Variants in STX2 observed in about 807,000 individuals in gnomAD.
The protein encoded by STX2 is syntaxin 2.
Under a neutral mutation model 40.6 loss-of-function variants are expected in STX2, and 27 were observed. The ratio of observed to expected loss-of-function variants is 0.66; its 90% CI spans 0.49 to 0.92. The LOEUF (loss-of-function observed/expected upper bound fraction) is 0.92, where lower values mean the gene tolerates loss of function less well. Ranked by LOEUF, STX2 falls within the 40% of genes least tolerant of loss-of-function variation. The pLI is 0.00. For missense variants in STX2, 328 were observed against 366.1 expected (o/e 0.90, Z 0.85); for synonymous variants, 123 against 119.1 (o/e 1.03, Z -0.22).
chr12:130,826,249 T>C (rs1952299584), intron 2 of STX2, among the ~76,000 whole-genome samples: 1 of 152,188 alleles, frequency 6.6e-6, no homozygotes, highest in African/African-American at 2.4e-5. Context: ...CACGCACACC[T>C]GACCCCTGCC....
chr12:130,796,411 A>G (rs1379189732), intron 9 of STX2, among the ~76,000 whole-genome samples: 3 of 152,118 alleles, frequency 2.0e-5, no homozygotes, highest in Admixed American at 2.0e-4. Context: ...ACTTGAACCC[A>G]GGAGGCAGAG....
chr12:130,798,675 A>C, intron 8 of STX2, 40 bp from the exon 9 acceptor site: 1 of 1,497,226 alleles, frequency 6.7e-7, no homozygotes, highest in South Asian at 1.2e-5. Flanking sequence ...ACATTTTCAA[A>C]TGGCTTAATC....
In STX2 at chr12:130,790,089, C is replaced by G. The variant is rs1385484918; in HGVS notation, c.*1934G>C. 1 of 152,110 alleles carries G rather than the reference C, an allele frequency of 6.6e-6. No homozygotes were observed. The highest frequency in any genetic ancestry group is 1.5e-5 in the Non-Finnish European group (1 of 68,030). The allele number at this position is 152,110 out of a possible 1,614,324, so 9.4% of individuals were successfully genotyped here. A position where few individuals can be genotyped will look rare whatever the true frequency, so the allele number is the denominator to read the frequency against. On this transcript the variant is annotated 3_prime_UTR_variant, in exon 11 of 11. Transcript: ENST00000392373. ...AGCATGATCCTGAAATATTGAAAAC[C>G]CTCAAGACAAGTGATACCTTCAACA...
intron 4 of STX2, among the ~76,000 whole-genome samples, chr12:130,811,144 G>A (rs2136282161): frequency 6.6e-6 from 1 of 152,210 alleles, no homozygotes; most frequent in African/African-American, 2.4e-5. Context: ...GATCATTTGA[G>A]GTCAGGAGTT....
chr12:130,812,227 C>G (rs1951686924), intron 4 of STX2: 3 of 338,840 alleles, frequency 8.9e-6, no homozygotes, highest in Non-Finnish European at 1.7e-5. Context: ...ATATTCTGTA[C>G]TATTAAGTAA....
At chr12:130,837,882 A>C (rs1952798820) in intron 1 of STX2, among the ~76,000 whole-genome samples, 1 of 152,260 alleles carries the variant, frequency 6.6e-6, no homozygotes. Context: ...CACCGTGAAG[A>C]AACTTCCTTG....
chr12:130,825,842 T>A (rs370362343), intron 2 of STX2, among the ~76,000 whole-genome samples: 1 of 152,180 alleles, frequency 6.6e-6, no homozygotes, highest in East Asian at 1.9e-4. Flanking sequence ...GAAGGTTCCG[T>A]CATTAAAAAA....
intron 6 of STX2, among the ~76,000 whole-genome samples, chr12:130,802,067 A>G (rs956402781): frequency 2.0e-5 from 3 of 152,256 alleles, no homozygotes; most frequent in African/African-American, 7.2e-5. Context: ...TCTAATAAGC[A>G]GCATTATTCA....
intron 2 of STX2, among the ~76,000 whole-genome samples, chr12:130,824,767 G>A (rs1469400679): frequency 1.3e-5 from 2 of 152,188 alleles, no homozygotes; most frequent in Admixed American, 6.5e-5. Flanking sequence ...AGATCAGAAT[G>A]AGTTTATATT....
chr12:130,824,209 G>A (rs1379459640), intron 2 of STX2, among the ~76,000 whole-genome samples: 1 of 152,078 alleles, frequency 6.6e-6, no homozygotes, highest in Non-Finnish European at 1.5e-5. Flanking sequence ...GGCCAGCGTG[G>A]CAAAATGCCG....
intron 3 of STX2, among the ~76,000 whole-genome samples, chr12:130,818,170 C>CAAAAAAAAAA (rs756794046): frequency 3.8e-4 from 19 of 49,862 alleles, no homozygotes; most frequent in Middle Eastern, 0.013. Context: ...GCTGTTTCTA[C>CAAAAAAAAAA]AAAAAAAAAA....
At position 130,807,040 on chromosome 12, in the gene STX2, C is replaced by T. The variant is rs1426391846; in HGVS notation, c.405G>A (p.Glu135=). ...TCCGCTCCCGAAACAGAGTCTGTGC[C>T]TCATTGTACTCCGCCATGGCTTCCA... is the stretch of plus-strand genomic sequence containing the variant. ...KFVEAMAEYN[E]AQTLFRERSK... is the part of the protein sequence containing the mutation. Residue 135 remains glutamate, a synonymous_variant, in exon 6 of 11, where the codon GAG becomes GAA. Coordinates refer to ENST00000392373, the MANE Select transcript of STX2 (RefSeq NM_194356.4). 9.3e-6 allele frequency: 15 copies of T among 1,614,118 alleles called. No individual in the cohort carries two copies. The highest frequency in any genetic ancestry group is 1.3e-5 in the Non-Finnish European group (15 of 1,180,054).
At chr12:130,822,259 G>C (rs150809203) in intron 2 of STX2, among the ~76,000 whole-genome samples, 2 of 151,950 alleles carry the variant, frequency 1.3e-5, no homozygotes, top group Non-Finnish European at 2.9e-5. Context: ...TCTACTAAAC[G>C]TACAAAAATT....
At chr12:130,836,789 T>C (rs1370183037) in intron 1 of STX2, among the ~76,000 whole-genome samples, 2 of 152,188 alleles carry the variant, frequency 1.3e-5, no homozygotes, top group South Asian at 4.1e-4. Context: ...TAAAAATTAT[T>C]TGCCCAAGAT....
intron 1 of STX2, among the ~76,000 whole-genome samples, chr12:130,831,261 C>A (rs959324985): frequency 7.2e-5 from 11 of 152,316 alleles, no homozygotes; most frequent in Admixed American, 4.6e-4. Context: ...AAATTATAAA[C>A]CTTGACATAT....
chr12:130,820,239 C>A (rs7973222), intron 3 of STX2, among the ~76,000 whole-genome samples: 2 of 152,226 alleles, frequency 1.3e-5, no homozygotes, highest in Non-Finnish European at 2.9e-5. Context: ...AATTACATGA[C>A]TGGGTACAGA....
chr12:130,837,131 A>C (rs1301412250), intron 1 of STX2, among the ~76,000 whole-genome samples: 11 of 149,000 alleles, frequency 7.4e-5, no homozygotes, highest in African/African-American at 2.7e-4. Flanking sequence ...TTTATGAGAC[A>C]ATGTCTCACT....
intron 6 of STX2, among the ~76,000 whole-genome samples, 176 bp downstream of exon 6, chr12:130,806,806 G>C (rs892969911): frequency 6.6e-6 from 1 of 152,244 alleles, no homozygotes; most frequent in African/African-American, 2.4e-5. Context: ...ACTTCCTGAA[G>C]ACAGGAAGAA....
At chr12:130,830,817 G>A (rs573636263) in intron 1 of STX2, among the ~76,000 whole-genome samples, 2 of 152,320 alleles carry the variant, frequency 1.3e-5, no homozygotes, top group East Asian at 3.9e-4. Context: ...CAACAGCCAT[G>A]ATTATGAGAG....
Sources: gnomAD v4.1 joint callset for allele counts (sites outside exome capture counted in the v4.1 genomes callset) on GRCh38, gnomAD v4.1.1 for gene constraint, MANE v1.5 for transcripts, NCBI Gene and HGNC (gene_info 2026-07-23, HGNC 2026-07-21) for gene names.